Variants in SORCS3 observed in about 807,000 individuals in gnomAD.
The protein encoded by SORCS3 is VPS10 domain-containing receptor SorCS3.
SORCS3 carries 57 observed loss-of-function variants against 146.3 expected under a neutral mutation model. The ratio of observed to expected loss-of-function variants is 0.39; its 90% CI spans 0.31 to 0.49. The LOEUF (loss-of-function observed/expected upper bound fraction) is 0.49, where lower values mean the gene tolerates loss of function less well. SORCS3 is among the 20% of genes least tolerant of loss of function. The pLI is 0.92. For synonymous variants in SORCS3, 653 were observed against 618.5 expected, an observed-to-expected ratio of 1.06 and a Z score of -0.83; for missense variants, 1,341 against 1,575.5, an observed-to-expected ratio of 0.85 and a Z score of 2.52.
At chr10:104,741,530 T>G (rs528390965) in intron 1 of SORCS3, among the ~76,000 whole-genome samples, 1 of 151,996 alleles carries the variant, frequency 6.6e-6, no homozygotes, top group South Asian at 2.1e-4. Context: ...TTCACTCTAC[T>G]TTCTTTTTCT....
intron 2 of SORCS3, among the ~76,000 whole-genome samples, chr10:104,875,197 C>G (rs2018559038): frequency 6.6e-6 from 1 of 152,186 alleles, no homozygotes; most frequent in Admixed American, 6.5e-5. Flanking sequence ...GTAGATATTT[C>G]CAAGCCAAGA....
At chr10:104,900,072 T>C (rs551861553) in intron 2 of SORCS3, among the ~76,000 whole-genome samples, 166 of 152,244 alleles carry the variant, frequency 1.1e-3, no homozygotes, top group Non-Finnish European at 1.7e-3. Flanking sequence ...CTTCCCTTTC[T>C]CCCATTAGGT....
At chr10:104,801,314 G>C (rs984718443) in intron 1 of SORCS3, among the ~76,000 whole-genome samples, 5 of 152,222 alleles carry the variant, frequency 3.3e-5, no homozygotes, top group Non-Finnish European at 5.9e-5. Context: ...CTTAGAGGAA[G>C]GCAGCGTAGG....
At chr10:104,969,587 A>G (rs147306832) in intron 3 of SORCS3, among the ~76,000 whole-genome samples, 7 of 152,332 alleles carry the variant, frequency 4.6e-5, no homozygotes, top group African/African-American at 1.7e-4. Context: ...TGAATTGAAT[A>G]GAGACACTAC....
At chr10:104,642,456 C>A (rs1255285418) in intron 1 of SORCS3, among the ~76,000 whole-genome samples, 1 of 150,356 alleles carries the variant, frequency 6.7e-6, no homozygotes, top group African/African-American at 2.5e-5. Flanking sequence ...CTCCTGCTCG[C>A]CTCGGGGTCG....
intron 1 of SORCS3, among the ~76,000 whole-genome samples, chr10:104,656,832 T>C (rs1450072739): frequency 6.6e-6 from 1 of 152,056 alleles, no homozygotes; most frequent in East Asian, 1.9e-4. Context: ...GCTGGAGAGG[T>C]TGATGGCTTG....
At chr10:104,745,478 G>T (rs1343184462) in intron 1 of SORCS3, among the ~76,000 whole-genome samples, 2 of 152,170 alleles carry the variant, frequency 1.3e-5, no homozygotes, top group Non-Finnish European at 2.9e-5. Context: ...TTAGGAAATA[G>T]TGTACACCCT....
At chr10:104,896,472 A>G (rs965888474) in intron 2 of SORCS3, among the ~76,000 whole-genome samples, 3 of 152,270 alleles carry the variant, frequency 2.0e-5, no homozygotes, top group Admixed American at 1.3e-4. Context: ...CAAAGAAGGC[A>G]TAATTTAAAG....
chr10:104,670,556 T>C (rs1006024468), intron 1 of SORCS3, among the ~76,000 whole-genome samples: 3 of 152,228 alleles, frequency 2.0e-5, no homozygotes, highest in Non-Finnish European at 4.4e-5. Flanking sequence ...GTCTTTTTGC[T>C]AGTGCCACAC....
chr10:105,099,279 A>G (rs1003460749), intron 6 of SORCS3, among the ~76,000 whole-genome samples: 22 of 152,222 alleles, frequency 1.4e-4, no homozygotes, highest in African/African-American at 4.1e-4. Flanking sequence ...CTCTAAGAGA[A>G]GGCCTAAAGA....
chr10:104,955,091 A>AT (rs1375858517), intron 3 of SORCS3, among the ~76,000 whole-genome samples: 1 of 152,172 alleles, frequency 6.6e-6, no homozygotes, highest in Non-Finnish European at 1.5e-5. Flanking sequence ...TACATGCACA[A>AT]TGTGGTGTAA....
chr10:104,942,605 G>T (rs2019331878), intron 3 of SORCS3, among the ~76,000 whole-genome samples: 1 of 152,056 alleles, frequency 6.6e-6, no homozygotes, highest in South Asian at 2.1e-4. Flanking sequence ...AACCAAATTG[G>T]GTTTATTTTA....
chr10:105,019,414 T>G (rs1328285548), intron 4 of SORCS3, among the ~76,000 whole-genome samples: 1 of 151,718 alleles, frequency 6.6e-6, no homozygotes, highest in Admixed American at 6.6e-5. Context: ...TCTACTTCTC[T>G]TCATATACTT....
At chr10:104,650,101 A>G (rs1275509117) in intron 1 of SORCS3, among the ~76,000 whole-genome samples, 1 of 152,186 alleles carries the variant, frequency 6.6e-6, no homozygotes, top group East Asian at 1.9e-4. Context: ...GGCATATCAC[A>G]TGGATTGGAG....
chr10:104,990,284 C>T (rs2054985780), intron 4 of SORCS3, among the ~76,000 whole-genome samples: 1 of 152,186 alleles, frequency 6.6e-6, no homozygotes, highest in African/African-American at 2.4e-5. Context: ...TCTAGTTGCC[C>T]ACAAAGTTGG....
At position 104,815,924 on chromosome 10, in the gene SORCS3, A is replaced by G. The variant is rs531799601; in HGVS notation, c.628-26868A>G. ...AGTTTTCAATTTGTAGTAATGATAT[A>G]GAATCTATCATAGAATATGCTATTA... On this transcript the variant is annotated intron_variant, in intron 1 of 26. Transcript: ENST00000369701. Among the ~76,000 whole-genome samples, 21 of 152,374 alleles carry G rather than the reference A, an allele frequency of 1.4e-4. 1 individual carries two copies. The South Asian group carries it at 4.4e-3, about 32-fold the overall frequency.
At chr10:105,070,239 T>C (rs1236752377) in intron 5 of SORCS3, among the ~76,000 whole-genome samples, 1 of 152,242 alleles carries the variant, frequency 6.6e-6, no homozygotes, top group Non-Finnish European at 1.5e-5. Flanking sequence ...TTACCTTTCA[T>C]GTCTTACTAG....
chr10:105,062,519 G>A (rs1054989424), intron 5 of SORCS3, among the ~76,000 whole-genome samples: 1 of 152,138 alleles, frequency 6.6e-6, no homozygotes, highest in Non-Finnish European at 1.5e-5. Context: ...TTGTGGGAGG[G>A]TAGACCAGAG....
At chr10:105,249,302 A>G (rs2056885279) in intron 22 of SORCS3, among the ~76,000 whole-genome samples, 1 of 152,216 alleles carries the variant, frequency 6.6e-6, no homozygotes, top group Non-Finnish European at 1.5e-5. Context: ...GGTTGAAAAT[A>G]TGGATCTGAA....
Sources: allele counts gnomAD v4.1 joint callset (sites outside exome capture counted in the v4.1 genomes callset), GRCh38; gene constraint gnomAD v4.1.1; transcripts MANE v1.5; gene names NCBI Gene and HGNC (gene_info 2026-07-23, HGNC 2026-07-21).